DCLK1: variants seen among roughly 807,000 people sequenced by gnomAD.
DCLK1 encodes the protein doublecortin like kinase 1, also known as serine/threonine-protein kinase DCLK1.
DCLK1 carries 16 observed loss-of-function variants against 86.2 expected under a neutral mutation model. That is an observed-to-expected ratio of 0.19 (90% CI 0.13 to 0.28). DCLK1 has a LOEUF of 0.28. Ranked by LOEUF, DCLK1 falls within the 10% of genes least tolerant of loss-of-function variation. DCLK1 has a pLI of 1.00. For missense variants in DCLK1, 590 were observed against 940.2 expected (o/e 0.63, Z 4.87); for synonymous variants, 369 against 370.5 (o/e 1.00, Z 0.05).
At chr13:36,008,689 T>G (rs1183270839) in intron 3 of DCLK1, among the ~76,000 whole-genome samples, 1 of 148,974 alleles carries the variant, frequency 6.7e-6, no homozygotes, top group Admixed American at 6.7e-5. Flanking sequence ...AACATACGTG[T>G]GCATGTGTCT....
At chr13:35,808,897 G>T in intron 13 of DCLK1, 121 bp downstream of exon 13, 2 of 658,682 alleles carry the variant, frequency 3.0e-6, no homozygotes, top group Non-Finnish European at 4.8e-6. Context: ...AACAGGGATT[G>T]CAAGTAAAGT....
chr13:35,796,743 C>A (rs2086820355), intron 15 of DCLK1, among the ~76,000 whole-genome samples: 1 of 152,178 alleles, frequency 6.6e-6, no homozygotes, highest in Non-Finnish European at 1.5e-5. Flanking sequence ...CACCAGGTTG[C>A]ATCAATTGAG....
chr13:36,019,815 C>T (rs908298278), intron 3 of DCLK1, among the ~76,000 whole-genome samples: 6 of 152,158 alleles, frequency 3.9e-5, no homozygotes, highest in African/African-American at 1.4e-4. Context: ...TTGTAATCTT[C>T]AGCATCCGAT....
At chr13:35,828,636 C>T (rs961398553) in intron 8 of DCLK1, among the ~76,000 whole-genome samples, 1 of 152,020 alleles carries the variant, frequency 6.6e-6, no homozygotes, top group African/African-American at 2.4e-5. Flanking sequence ...CCTTTTCTTA[C>T]TGTTGGAAAA....
chr13:35,914,354 T>TATATATATATGTATATATATATATATAC lies in DCLK1; in HGVS notation c.823+33003_823+33004insGTATATATATATATATACATATATATAT, dbSNP rs1566600272. 4.9e-3 allele frequency among the ~76,000 whole-genome samples: 86 copies of TATATATATATGTATATATATATATATAC among 17,490 alleles called. 1 individual carries two copies. Among genetic ancestry groups the TATATATATATGTATATATATATATATAC allele is most frequent in the African/African-American group, 0.017 (86 of 4,988 alleles). 11.5% of individuals were successfully genotyped at this position (17,490 alleles called of 152,430 possible). On this transcript the variant is annotated intron_variant, in intron 4 of 16. Coordinates refer to ENST00000360631, the MANE Select transcript of DCLK1 (RefSeq NM_001330071.2). ...AAAAATATATATATATATATACATA[T>TATATATATATGTATATATATATATATAC]ATATATATATATATGTATATATATA...
intron 4 of DCLK1, among the ~76,000 whole-genome samples, chr13:35,903,349 C>A (rs1874487634): frequency 6.6e-6 from 1 of 152,190 alleles, no homozygotes; most frequent in Non-Finnish European, 1.5e-5. Context: ...AGAAACCTTG[C>A]TAGACAACTA....
chr13:35,827,834 G>A (rs759263751), intron 9 of DCLK1, 80 bp from the exon 10 acceptor site: 23 of 1,542,314 alleles, frequency 1.5e-5, no homozygotes, highest in Non-Finnish European at 1.9e-5. Context: ...ACTATACTAT[G>A]TAAGGGTCAA....
chr13:35,986,780 C>G (rs1035697815), intron 3 of DCLK1, among the ~76,000 whole-genome samples: 18 of 152,256 alleles, frequency 1.2e-4, no homozygotes, highest in African/African-American at 4.3e-4. Context: ...CAAGATCCTT[C>G]CCTAAGCAGA....
intron 16 of DCLK1, among the ~76,000 whole-genome samples, chr13:35,787,460 A>G (rs1212208834): frequency 6.6e-6 from 1 of 152,116 alleles, no homozygotes; most frequent in Non-Finnish European, 1.5e-5. Context: ...AGGAAATGCC[A>G]GGGCAGTTGA....
intron 4 of DCLK1, among the ~76,000 whole-genome samples, chr13:35,899,184 A>G (rs1157138076): frequency 6.6e-6 from 1 of 152,166 alleles, no homozygotes; most frequent in East Asian, 1.9e-4. Flanking sequence ...TTTCAATTCC[A>G]TATTATCAAA....
intron 6 of DCLK1, among the ~76,000 whole-genome samples, chr13:35,844,620 C>T (rs926627360): frequency 6.6e-6 from 1 of 152,164 alleles, no homozygotes; most frequent in African/African-American, 2.4e-5. Flanking sequence ...TAGAATAATT[C>T]CCTCCATGAT....
intron 3 of DCLK1, among the ~76,000 whole-genome samples, chr13:35,949,888 A>T (rs1420160907): frequency 6.7e-6 from 1 of 149,880 alleles, no homozygotes; most frequent in African/African-American, 2.5e-5. Flanking sequence ...TCTTTCCAAC[A>T]CTGAGACTCC....
At chr13:36,045,319 T>C (rs1440998489) in intron 3 of DCLK1, among the ~76,000 whole-genome samples, 2 of 57,792 alleles carry the variant, frequency 3.5e-5, no homozygotes, top group Non-Finnish European at 5.8e-5. Flanking sequence ...TGTCTATATA[T>C]GTGTGTGTGT....
intron 3 of DCLK1, among the ~76,000 whole-genome samples, chr13:36,084,133 T>G (rs1486385688): frequency 6.6e-6 from 1 of 152,092 alleles, no homozygotes; most frequent in Non-Finnish European, 1.5e-5. Context: ...GTCAAATAAT[T>G]CCTGAGGCAT....
At chr13:36,021,272 AG>A (rs749910961) in intron 3 of DCLK1, among the ~76,000 whole-genome samples, 15 of 151,788 alleles carry the variant, frequency 9.9e-5, no homozygotes, top group Non-Finnish European at 2.1e-4. Context: ...AAACAATAAG[AG>A]GTTTAAAATT....
In DCLK1 at chr13:35,774,575, C is replaced by G; in HGVS notation, c.2183G>C (p.Ser728Thr). ...LNSESEDYSP[S>T]SSETVRSPNS... ...AGGGGAGCGAACAGTCTCGGAGGAG[C>G]TTGGGGAGTAGTCTTCCGATTCCGA... The change falls in exon 17 of 17, where the codon AGC becomes ACC. Residue 728 changes from serine (S) to threonine (T), a missense_variant. Transcript: ENST00000360631. The G allele has an allele frequency of 6.4e-7, 1 of 1,567,318 alleles. No individual in the cohort carries two copies. Among genetic ancestry groups the G allele is most frequent in the South Asian group, 1.2e-5 (1 of 85,566 alleles).
At chr13:35,789,940 G>A (rs78635542) in intron 16 of DCLK1, among the ~76,000 whole-genome samples, 11 of 151,312 alleles carry the variant, frequency 7.3e-5, no homozygotes, top group Non-Finnish European at 1.0e-4. Flanking sequence ...GGACAATGGC[G>A]TCTCTCTGAG....
chr13:36,033,703 A>C (rs562199138), intron 3 of DCLK1, among the ~76,000 whole-genome samples: 9 of 152,312 alleles, frequency 5.9e-5, no homozygotes, highest in South Asian at 2.1e-4. Flanking sequence ...AGGTGGGCGG[A>C]TTACCTGAGG....
chr13:35,857,652 G>A (rs1170108245), intron 5 of DCLK1, among the ~76,000 whole-genome samples: 1 of 152,224 alleles, frequency 6.6e-6, no homozygotes, highest in African/African-American at 2.4e-5. Flanking sequence ...AAGAACCGAG[G>A]TATCACAACA....
Sources: allele counts gnomAD v4.1 joint callset (sites outside exome capture counted in the v4.1 genomes callset), GRCh38; gene constraint gnomAD v4.1.1; transcripts MANE v1.5; gene names NCBI Gene and HGNC (gene_info 2026-07-23, HGNC 2026-07-21).